The following RORA variants were observed in gnomAD, a reference collection of about 807,000 sequenced individuals.
RORA encodes RAR related orphan receptor A.
In RORA, 7 loss-of-function variants were observed where a neutral mutation model predicts 69.5. The observed-to-expected ratio is 0.10, with a 90% CI of 0.06 to 0.19. The LOEUF (loss-of-function observed/expected upper bound fraction) is 0.19. RORA is among the 10% of genes least tolerant of loss of function. RORA has a pLI of 1.00. For synonymous variants in RORA, 261 were observed against 240.8 expected, an observed-to-expected ratio of 1.08 and a Z score of -0.78; for missense variants, 457 against 663.0, an observed-to-expected ratio of 0.69 and a Z score of 3.41.
chr15:61,006,158 G>A (rs574450806), intron 1 of RORA, among the ~76,000 whole-genome samples: 17 of 152,050 alleles, frequency 1.1e-4, no homozygotes, highest in Non-Finnish European at 1.6e-4. Flanking sequence ...TAGTAGAGAC[G>A]GGATTTCACA....
chr15:61,084,804 G>T (rs968726527), intron 1 of RORA, among the ~76,000 whole-genome samples: 1 of 150,810 alleles, frequency 6.6e-6, no homozygotes, highest in African/African-American at 2.4e-5. Flanking sequence ...CAAAATTCAG[G>T]CCCTTTCAGT....
At chr15:61,209,126 A>G (rs1011845227) in intron 1 of RORA, among the ~76,000 whole-genome samples, 3 of 152,234 alleles carry the variant, frequency 2.0e-5, no homozygotes, top group African/African-American at 7.2e-5. Context: ...CTGCTTCAGT[A>G]CTTCTAATGG....
At chr15:60,987,642 C>T (rs969201854) in intron 1 of RORA, among the ~76,000 whole-genome samples, 8 of 152,136 alleles carry the variant, frequency 5.3e-5, no homozygotes, top group East Asian at 1.9e-4. Context: ...GGGATTTCAT[C>T]GTCTCCCCAG....
intron 1 of RORA, among the ~76,000 whole-genome samples, chr15:60,989,959 G>A (rs1894322668): frequency 6.6e-6 from 1 of 151,942 alleles, no homozygotes; most frequent in South Asian, 2.1e-4. Context: ...GAACTTCTTT[G>A]GCTAAAAATT....
chr15:60,795,972 G>T (rs1380956998), intron 1 of RORA, among the ~76,000 whole-genome samples: 1 of 152,184 alleles, frequency 6.6e-6, no homozygotes, highest in African/African-American at 2.4e-5. Flanking sequence ...ATCATTGTGG[G>T]TATCAAAATG....
At chr15:61,047,202 A>T (rs916965401) in intron 1 of RORA, among the ~76,000 whole-genome samples, 10 of 152,234 alleles carry the variant, frequency 6.6e-5, no homozygotes, top group African/African-American at 2.4e-4. Context: ...GACCGTCCTT[A>T]TGCCCAGCAT....
intron 1 of RORA, among the ~76,000 whole-genome samples, chr15:61,144,691 T>C (rs1450929054): frequency 6.6e-6 from 1 of 152,156 alleles, no homozygotes; most frequent in Non-Finnish European, 1.5e-5. Context: ...TGCTGTTGAG[T>C]GGAATATGAA....
chr15:60,593,757 A>T (rs1019767003), intron 2 of RORA, among the ~76,000 whole-genome samples: 1 of 152,212 alleles, frequency 6.6e-6, no homozygotes, highest in East Asian at 1.9e-4. Context: ...GTTGCCACGC[A>T]CAACTTAAAA....
At chr15:60,947,696 A>AAG (rs1892937702) in intron 1 of RORA, among the ~76,000 whole-genome samples, 1 of 150,238 alleles carries the variant, frequency 6.7e-6, no homozygotes, top group South Asian at 2.1e-4. Flanking sequence ...AATAAAAAAA[A>AAG]AAAAAAAAAA....
chr15:60,737,387 G>A (rs991583791), intron 1 of RORA, among the ~76,000 whole-genome samples: 3 of 152,088 alleles, frequency 2.0e-5, no homozygotes, highest in African/African-American at 7.2e-5. Context: ...ACCACCTATT[G>A]GCAAAAAGAC....
intron 1 of RORA, among the ~76,000 whole-genome samples, chr15:60,680,100 G>A (rs561464769): frequency 6.6e-6 from 1 of 152,244 alleles, no homozygotes; most frequent in Admixed American, 6.5e-5. Flanking sequence ...GCAGCAGCAG[G>A]GAGTAAAGTT....
intron 1 of RORA, among the ~76,000 whole-genome samples, chr15:60,680,861 ATT>A (rs1596120658): frequency 6.6e-6 from 1 of 152,192 alleles, no homozygotes; most frequent in East Asian, 1.9e-4. Flanking sequence ...TAATAAACAC[ATT>A]TTTATGGAGA....
At chr15:61,228,475 G>A (rs1470948871) in intron 1 of RORA, among the ~76,000 whole-genome samples, 3 of 150,380 alleles carry the variant, frequency 2.0e-5, no homozygotes, top group Non-Finnish European at 3.0e-5. Context: ...GTCGCCCCCA[G>A]ACCCCGGAGC....
chr15:60,783,466 G>A (rs1346253405), intron 1 of RORA, among the ~76,000 whole-genome samples: 1 of 152,140 alleles, frequency 6.6e-6, no homozygotes, highest in African/African-American at 2.4e-5. Context: ...ATTCACATAT[G>A]CATTACCTCC....
intron 1 of RORA, among the ~76,000 whole-genome samples, chr15:60,963,555 C>T (rs4775334): frequency 3.3e-5 from 5 of 152,230 alleles, no homozygotes; most frequent in African/African-American, 1.2e-4. Context: ...GCCTCCTGGA[C>T]GGGGTAAGCC....
At chr15:60,814,911 G>A (rs906177818) in intron 1 of RORA, among the ~76,000 whole-genome samples, 6 of 152,162 alleles carry the variant, frequency 3.9e-5, no homozygotes, top group African/African-American at 1.2e-4. Flanking sequence ...AGGAAGGTAG[G>A]ACCAGGGTCT....
intron 3 of RORA, among the ~76,000 whole-genome samples, chr15:60,515,983 A>ATATATATT (rs1567051101): frequency 1.3e-4 from 1 of 7,432 alleles, no homozygotes; most frequent in Non-Finnish European, 3.1e-4. Flanking sequence ...TTATATATTT[A>ATATATATT]TATATATTTA....
chr15:60,968,364 C>T (rs754207188), intron 1 of RORA, among the ~76,000 whole-genome samples: 24 of 152,198 alleles, frequency 1.6e-4, no homozygotes, highest in Non-Finnish European at 2.5e-4. Context: ...GTGGGTCCCA[C>T]CCTCAGAGTT....
At chr15:60,993,566 C>A (rs1354281796) in intron 1 of RORA, among the ~76,000 whole-genome samples, 1 of 147,140 alleles carries the variant, frequency 6.8e-6, no homozygotes, top group Non-Finnish European at 1.5e-5. Context: ...TTGCTTGAAC[C>A]CAGGGGGCGG....
Sources: gnomAD v4.1 joint callset for allele counts (sites outside exome capture counted in the v4.1 genomes callset) on GRCh38, gnomAD v4.1.1 for gene constraint, MANE v1.5 for transcripts, NCBI Gene and HGNC (gene_info 2026-07-23, HGNC 2026-07-21) for gene names.